The following ASB7 variants were observed in gnomAD, a reference collection of about 807,000 sequenced individuals.
The protein encoded by ASB7 is ankyrin repeat and SOCS box protein 7.
A neutral mutation model predicts 32.5 loss-of-function variants in ASB7; 4 were observed. The ratio of observed to expected loss-of-function variants is 0.12; its 90% confidence interval spans 0.06 to 0.28. ASB7 has a LOEUF of 0.28. Among genes scored for constraint, ASB7 ranks in the 10% least tolerant of loss-of-function variants. The pLI, the probability that ASB7 is intolerant of heterozygous loss-of-function variation, is 1.00. For synonymous variants in ASB7, 172 were observed against 155.6 expected (o/e 1.11, Z -0.78); for missense variants, 181 against 407.1 (o/e 0.44, Z 4.78).
At chr15:100,646,334 C>A in intron 5 of ASB7, 2 of 375,942 alleles carry the variant, frequency 5.3e-6, no homozygotes, top group East Asian at 6.1e-5. Flanking sequence ...ACCTCTGTCC[C>A]TTGAATTGAA....
chr15:100,626,447 A>T (rs181158124), intron 4 of ASB7, among the ~76,000 whole-genome samples: 3 of 152,226 alleles, frequency 2.0e-5, no homozygotes, highest in African/African-American at 7.2e-5. Flanking sequence ...AAAATGACTA[A>T]TGATACCAAG....
rs78800032 is a variant in ASB7, at chr15:100,613,714, C to T, written c.211+1287C>T. ...AAGATGAGGGCTCACAATGTTTATTCCACCTAGTCCTGTTGCTTTTCACTT... is the reference window on the plus strand; with the variant it reads ...AAGATGAGGGCTCACAATGTTTATTTCACCTAGTCCTGTTGCTTTTCACTT... On this transcript the variant is annotated intron_variant, in intron 4 of 5. Transcript: ENST00000332783. Among the ~76,000 whole-genome samples, 51 of 152,304 alleles carry T rather than the reference C, an allele frequency of 3.3e-4. No individual in the cohort carries two copies. In the East Asian group the frequency reaches 5.4e-3, roughly 16 times the overall value.
At chr15:100,626,355 G>A (rs139380657) in intron 4 of ASB7, among the ~76,000 whole-genome samples, 25 of 152,234 alleles carry the variant, frequency 1.6e-4, no homozygotes, top group East Asian at 3.9e-4. Context: ...ATATGAATAC[G>A]TTCAGTATAA....
chr15:100,633,585 AAGAGGAAAG>A (rs1440417479), intron 5 of ASB7, among the ~76,000 whole-genome samples: 2 of 152,046 alleles, frequency 1.3e-5, no homozygotes, highest in African/African-American at 2.4e-5. Context: ...CAAGAAAAAA[AAGAGGAAAG>A]AGAGGAAAGG....
intron 4 of ASB7, among the ~76,000 whole-genome samples, chr15:100,620,420 A>T (rs868725190): frequency 1.3e-5 from 2 of 152,264 alleles, no homozygotes; most frequent in Non-Finnish European, 2.9e-5. Flanking sequence ...TACAAGTGGT[A>T]CTTTGCTGCT....
At chr15:100,628,250 T>G (rs977125172) in intron 4 of ASB7, among the ~76,000 whole-genome samples, 1 of 152,244 alleles carries the variant, frequency 6.6e-6, no homozygotes, top group Non-Finnish European at 1.5e-5. Flanking sequence ...TGAAATACTT[T>G]CCACAGTATT....
intron 5 of ASB7, among the ~76,000 whole-genome samples, chr15:100,637,764 A>T (rs1331219457): frequency 6.6e-6 from 1 of 152,210 alleles, no homozygotes; most frequent in Non-Finnish European, 1.5e-5. Context: ...TTCCTTTTCC[A>T]ACTGCGTATC....
chr15:100,645,549 C>T, intron 5 of ASB7: 1 of 683,644 alleles, frequency 1.5e-6, no homozygotes, highest in Non-Finnish European at 2.8e-6. Context: ...TAGAGAGGAG[C>T]CTTACAACTT....
Position 100,648,869 on chromosome 15 carries a change from T to G in ASB7, c.*407T>G, listed in dbSNP as rs2040012723. ...ACTTGTTAACGTTTGGAGGCACAGT[T>G]TCACCCAGGGCGACCCTGGGTTCTT... On this transcript the variant is annotated 3_prime_UTR_variant, in exon 6 of 6. Coordinates refer to ENST00000332783, the MANE Select transcript of ASB7 (RefSeq NM_198243.3). 6.5e-6 allele frequency: 1 copy of G among 153,782 alleles called. No homozygotes were observed. The highest frequency in any genetic ancestry group is 2.4e-5 in the African/African-American group (1 of 41,478). 9.5% of individuals were successfully genotyped at this position (153,782 alleles called of 1,614,324 possible).
chr15:100,607,040 C>G (rs996473700), intron 2 of ASB7, among the ~76,000 whole-genome samples: 3 of 151,896 alleles, frequency 2.0e-5, no homozygotes, highest in African/African-American at 7.3e-5. Flanking sequence ...GTAGTCCCAG[C>G]TACTTAGGAG....
chr15:100,628,834 T>C lies in ASB7; in HGVS notation c.212-603T>C, dbSNP rs561984193. On this transcript the variant is annotated intron_variant, in intron 4 of 5. Transcript: ENST00000332783. ...ATAAACTCCAAAGTTCGTGTAAAAC[T>C]AAGAATTCAGAATAGACTTCTATCT... Among the ~76,000 whole-genome samples the C allele has an allele frequency of 2.0e-5, 3 of 152,374 alleles. No homozygotes were observed. In the East Asian group the frequency reaches 5.8e-4, roughly 29 times the overall value.
At chr15:100,609,995 C>T (rs965931670) in intron 3 of ASB7, among the ~76,000 whole-genome samples, 167 bp downstream of exon 3, 1 of 152,132 alleles carries the variant, frequency 6.6e-6, no homozygotes, top group Admixed American at 6.5e-5. Context: ...TGGTAGGCCT[C>T]GTTTAAGTGC....
At chr15:100,635,830 A>G (rs1303820140) in intron 5 of ASB7, among the ~76,000 whole-genome samples, 1 of 152,222 alleles carries the variant, frequency 6.6e-6, no homozygotes, top group Non-Finnish European at 1.5e-5. Context: ...GACTGGACTC[A>G]GGAATGGGCT....
Position 100,629,986 on chromosome 15 carries a change from C to T in ASB7, c.761C>T (p.Ser254Leu). 6.2e-7 allele frequency: 1 copy of T among 1,613,028 alleles called. No individual in the cohort carries two copies. Among genetic ancestry groups the T allele is most frequent in the South Asian group, 1.1e-5 (1 of 90,958 alleles). Reference protein sequence around the residue: ...NYEGQTPLAVSISISGSSRPC... With the variant: ...NYEGQTPLAVLISISGSSRPC... The stretch of plus-strand genomic sequence containing the variant: ...GAAGGACAGACCCCATTGGCTGTTT[C>T]AATAAGTATTTCTGGAAGTAGTCGA... The change falls in exon 5 of 6, where the codon TCA (serine) becomes TTA (leucine). Residue 254 changes from serine to leucine, a missense_variant. Transcript: ENST00000332783. This position sits in a 1 kb window ranked among gnomAD's most constrained non-coding sequence, Gnocchi z 6.8.
chr15:100,628,328 A>G (rs973636541), intron 4 of ASB7, among the ~76,000 whole-genome samples: 6 of 152,216 alleles, frequency 3.9e-5, no homozygotes, highest in African/African-American at 1.4e-4. Flanking sequence ...TATGTTCTAG[A>G]CCTAAATAAC....
At chr15:100,625,924 T>C (rs1597005340) in intron 4 of ASB7, among the ~76,000 whole-genome samples, 1 of 152,308 alleles carries the variant, frequency 6.6e-6, no homozygotes, top group South Asian at 2.1e-4. Flanking sequence ...AAGAGTCCTT[T>C]TAACAAATTG....
chr15:100,648,883 C>A lies in ASB7; in HGVS notation c.*421C>A, dbSNP rs1177256765. 6.5e-6 allele frequency: 1 copy of A among 153,434 alleles called. No homozygotes were observed. The highest frequency in any genetic ancestry group is 1.5e-5 in the Non-Finnish European group (1 of 68,688). The allele number at this position is 153,434 out of a possible 1,614,324, so 9.5% of individuals were successfully genotyped here. A position where few individuals can be genotyped will look rare whatever the true frequency, so the allele number is the denominator to read the frequency against. On this transcript the variant is annotated 3_prime_UTR_variant, in exon 6 of 6. Transcript: ENST00000332783. ...GGAGGCACAGTTTCACCCAGGGCGA[C>A]CCTGGGTTCTTTTGGAAAATGCCCT...
Position 100,612,262 on chromosome 15 carries a change from T to C in ASB7, c.46T>C (p.Leu16=). 6.2e-7 allele frequency: 1 copy of C among 1,613,998 alleles called. No individual in the cohort carries two copies. Among genetic ancestry groups the C allele is most frequent in the Non-Finnish European group, 8.5e-7 (1 of 1,179,972 alleles). Residue 16 remains leucine, a synonymous_variant, in exon 4 of 6, where the codon TTG becomes CTG. Transcript: ENST00000332783. ...AAGGAACCCTGAGCTCCAGGAAGAG[T>C]TGCAGATTCAGGCCGCGGTGGCTGC... ...CRRNPELQEE[L]QIQAAVAAGD...
intron 4 of ASB7, among the ~76,000 whole-genome samples, chr15:100,622,844 C>T (rs1410405764): frequency 6.6e-6 from 1 of 152,116 alleles, no homozygotes. Flanking sequence ...TGGAAGAAAA[C>T]AGGAAAAACA....
Sources: allele counts gnomAD v4.1 joint callset (sites outside exome capture counted in the v4.1 genomes callset), GRCh38; gene constraint gnomAD v4.1.1; non-coding constraint Gnocchi (gnomAD v3.1); transcripts MANE v1.5; gene names NCBI Gene and HGNC (gene_info 2026-07-23, HGNC 2026-07-21).